DNAI4: variants seen among roughly 807,000 people sequenced by gnomAD.
The protein encoded by DNAI4 is WD repeat domain 78.
A neutral mutation model predicts 105.8 loss-of-function variants in DNAI4; 85 were observed. The observed-to-expected ratio is 0.80, with a 90% CI of 0.67 to 0.96. The LOEUF (loss-of-function observed/expected upper bound fraction) is 0.96, where lower values mean the gene tolerates loss of function less well. DNAI4 is among the 40% of genes least tolerant of loss of function. DNAI4 has a pLI of 0.00. For missense variants in DNAI4, 1,014 were observed against 1,005.6 expected (o/e 1.01, Z -0.11); for synonymous variants, 352 against 331.5 (o/e 1.06, Z -0.67).
chr1:66,901,170 T>C (rs972136047), intron 2 of DNAI4, among the ~76,000 whole-genome samples: 1 of 152,246 alleles, frequency 6.6e-6, no homozygotes, highest in East Asian at 1.9e-4. Context: ...ATTTTCTCTA[T>C]TGTTTTTCTA....
Position 66,833,963 on chromosome 1 carries a change from GA to G in DNAI4, c.1891+27del, listed in dbSNP as rs760995506. On this transcript the variant is annotated intron_variant, in intron 12 of 16. Transcript: ENST00000371026. ...AAAATTTTAATTCAGCACGTAACAA[GA>G]AAAATATAACTTGATTTTTCTTTTA... 190 of 1,564,982 alleles carry G rather than the reference GA, an allele frequency of 1.2e-4. No homozygotes were observed. In the Middle Eastern group the frequency reaches 1.9e-3, roughly 16 times the overall value.
At chr1:66,814,530 A>G (rs977644007) in intron 16 of DNAI4, among the ~76,000 whole-genome samples, 3 of 151,984 alleles carry the variant, frequency 2.0e-5, no homozygotes, top group Non-Finnish European at 4.4e-5. Flanking sequence ...CACCACGCCC[A>G]GCTAATTTTT....
At chr1:66,884,025 A>G (rs181018483) in intron 4 of DNAI4, among the ~76,000 whole-genome samples, 1 of 152,204 alleles carries the variant, frequency 6.6e-6, no homozygotes, top group East Asian at 1.9e-4. Flanking sequence ...TCTACATTCC[A>G]CCTCTATGAG....
At chr1:66,830,455 C>T (rs545565742) in intron 13 of DNAI4, among the ~76,000 whole-genome samples, 1 of 151,442 alleles carries the variant, frequency 6.6e-6, no homozygotes, top group South Asian at 2.1e-4. Flanking sequence ...GCCTGGACAC[C>T]ATAGCAAGAC....
intron 1 of DNAI4, among the ~76,000 whole-genome samples, chr1:66,915,662 T>C (rs1650009103): frequency 6.6e-6 from 1 of 152,266 alleles, no homozygotes; most frequent in Admixed American, 6.5e-5. Context: ...GAGTGTATCA[T>C]TTTAAAAAAA....
intron 9 of DNAI4, 113 bp from the exon 10 acceptor site, chr1:66,837,909 ATCTG>A: frequency 9.5e-7 from 1 of 1,052,994 alleles, no homozygotes; most frequent in Non-Finnish European, 1.4e-6. Flanking sequence ...AAGACATTTC[ATCTG>A]AGAGGAAAAA....
chr1:66,914,524 T>C (rs1649920585), intron 1 of DNAI4, among the ~76,000 whole-genome samples: 1 of 152,218 alleles, frequency 6.6e-6, no homozygotes, highest in African/African-American at 2.4e-5. Flanking sequence ...TTAATGGCAA[T>C]TAAATCCGTT....
chr1:66,849,925 A>G (rs554924797), intron 7 of DNAI4, among the ~76,000 whole-genome samples: 2 of 152,276 alleles, frequency 1.3e-5, no homozygotes, highest in South Asian at 2.1e-4. Flanking sequence ...CTCTGCAACC[A>G]TAACAACATA....
intron 7 of DNAI4, chr1:66,848,082 A>G: frequency 2.6e-6 from 1 of 391,170 alleles, no homozygotes; most frequent in South Asian, 2.0e-5. Context: ...AAACAATGCA[A>G]ATTTATCTTA....
chr1:66,845,203 A>AAG (rs1473077173), intron 8 of DNAI4, among the ~76,000 whole-genome samples: 3 of 32,660 alleles, frequency 9.2e-5, no homozygotes, highest in Non-Finnish European at 1.9e-4. Context: ...AAAAAAAAAA[A>AAG]AAAAAAGAAA....
At chr1:66,924,475 T>C (rs930928724) in intron 1 of DNAI4, among the ~76,000 whole-genome samples, 187 bp downstream of exon 1, 3 of 152,156 alleles carry the variant, frequency 2.0e-5, no homozygotes, top group African/African-American at 7.2e-5. Flanking sequence ...CCCAGCCCAG[T>C]AGAGATTCTT....
chr1:66,876,301 G>A (rs269402), intron 4 of DNAI4, among the ~76,000 whole-genome samples: 25,279 of 151,970 alleles, frequency 0.17, 2,488 homozygotes, highest in African/African-American at 0.28. Context: ...CAATTTTAAG[G>A]CTAGCGATTT....
rs1207293612 is a variant in DNAI4, at chr1:66,862,146, C to T, written c.1096+1G>A. On this transcript the variant is annotated splice_donor_variant, in intron 7 of 16. Transcript: ENST00000371026. LOFTEE classifies it high-confidence loss of function. ...AAAAACTAAAATAAATGAAATCTTA[C>T]TTTTTTCTGTAGTGCTCCCTGGCAA... is the stretch of plus-strand genomic sequence containing the variant. The T allele has an allele frequency of 1.9e-6, 3 of 1,554,554 alleles. No homozygotes were observed. The highest frequency in any genetic ancestry group is 4.7e-5 in the East Asian group (2 of 42,688).
intron 2 of DNAI4, among the ~76,000 whole-genome samples, chr1:66,899,712 T>C (rs1648645779): frequency 6.6e-6 from 1 of 152,216 alleles, no homozygotes; most frequent in Non-Finnish European, 1.5e-5. Flanking sequence ...CTTAAATCTG[T>C]CTTTAATAAA....
intron 1 of DNAI4, among the ~76,000 whole-genome samples, chr1:66,909,883 A>G (rs1649530492): frequency 1.3e-5 from 2 of 152,146 alleles, no homozygotes; most frequent in South Asian, 4.1e-4. Context: ...AAAAAATTTC[A>G]AAATACATCT....
chr1:66,907,912 G>A (rs1337152825), intron 1 of DNAI4, among the ~76,000 whole-genome samples: 1 of 151,956 alleles, frequency 6.6e-6, no homozygotes, highest in Non-Finnish European at 1.5e-5. Context: ...ACAATCCTTC[G>A]ACCCTATTAT....
At chr1:66,922,316 G>A (rs913051911) in intron 1 of DNAI4, among the ~76,000 whole-genome samples, 1 of 80,652 alleles carries the variant, frequency 1.2e-5, no homozygotes, top group African/African-American at 5.5e-5. Flanking sequence ...GGGTGGTAAA[G>A]GACTCTTTGA....
chr1:66,904,103 T>C (rs893574408), intron 2 of DNAI4, among the ~76,000 whole-genome samples: 3 of 152,010 alleles, frequency 2.0e-5, no homozygotes, highest in African/African-American at 7.2e-5. Context: ...GAAATACATA[T>C]GTGCAAATAT....
At chr1:66,860,084 G>A (rs1162599820) in intron 7 of DNAI4, among the ~76,000 whole-genome samples, 1 of 151,762 alleles carries the variant, frequency 6.6e-6, no homozygotes, top group Non-Finnish European at 1.5e-5. Flanking sequence ...GAGATGAAGG[G>A]ATTTTATGGA....
Sources: allele counts gnomAD v4.1 joint callset (sites outside exome capture counted in the v4.1 genomes callset), GRCh38; gene constraint gnomAD v4.1.1; transcripts MANE v1.5; gene names NCBI Gene and HGNC (gene_info 2026-07-23, HGNC 2026-07-21).